Variants in PDZRN3 observed in about 807,000 individuals in gnomAD.
PDZRN3 encodes the protein E3 ubiquitin-protein ligase PDZRN3.
Under a neutral mutation model 85.7 loss-of-function variants are expected in PDZRN3, and 38 were observed. That is an observed-to-expected ratio of 0.44 (90% CI 0.34 to 0.58). PDZRN3 has a LOEUF of 0.58. Ranked by LOEUF, PDZRN3 falls within the 20% of genes least tolerant of loss-of-function variation. PDZRN3 has a pLI of 0.01. For synonymous variants in PDZRN3, 759 were observed against 638.0 expected, an observed-to-expected ratio of 1.19 and a Z score of -2.86; for missense variants, 1,629 against 1,506.4, an observed-to-expected ratio of 1.08 and a Z score of -1.35.
At chr3:73,454,583 G>C (rs1702941591) in intron 3 of PDZRN3, among the ~76,000 whole-genome samples, 1 of 152,148 alleles carries the variant, frequency 6.6e-6, no homozygotes, top group Non-Finnish European at 1.5e-5. Context: ...GAATTAATCT[G>C]CATCATCTAA....
chr3:73,433,941 CAT>C, intron 3 of PDZRN3: 2 of 1,382,034 alleles, frequency 1.4e-6, no homozygotes, highest in Non-Finnish European at 9.4e-7. Flanking sequence ...CACACACACA[CAT>C]ACACACAGAC....
At chr3:73,589,890 TATATATATTCATATAGAGTC>T (rs1702328793) in intron 3 of PDZRN3, among the ~76,000 whole-genome samples, 2 of 152,256 alleles carry the variant, frequency 1.3e-5, no homozygotes, top group African/African-American at 2.4e-5. Context: ...TTCAGATTTA[TATATATATTCATATAGAGTC>T]ATATATATTC....
chr3:73,404,992 T>G (rs1701825107), intron 3 of PDZRN3, among the ~76,000 whole-genome samples: 1 of 152,244 alleles, frequency 6.6e-6, no homozygotes, highest in South Asian at 2.1e-4. Flanking sequence ...GCTGTTTTGG[T>G]TCCCACTGTG....
At chr3:73,538,316 A>G (rs574122345) in intron 3 of PDZRN3, among the ~76,000 whole-genome samples, 38 of 152,332 alleles carry the variant, frequency 2.5e-4, no homozygotes, top group African/African-American at 7.9e-4. Flanking sequence ...ATACACTTTA[A>G]GTACACTGTG....
intron 5 of PDZRN3, among the ~76,000 whole-genome samples, chr3:73,398,921 A>T (rs1429500668): frequency 6.6e-6 from 1 of 152,200 alleles, no homozygotes; most frequent in Admixed American, 6.5e-5. Flanking sequence ...GTTGAGTCGA[A>T]TTAAAGAGAA....
intron 3 of PDZRN3, among the ~76,000 whole-genome samples, chr3:73,459,103 T>G (rs1002436089): frequency 4.6e-5 from 7 of 152,070 alleles, no homozygotes; most frequent in African/African-American, 1.7e-4. Context: ...GGAAGGCACC[T>G]CTTCACAGGG....
intron 3 of PDZRN3, among the ~76,000 whole-genome samples, chr3:73,496,933 T>A (rs890915297): frequency 1.3e-5 from 2 of 152,202 alleles, no homozygotes; most frequent in Admixed American, 6.5e-5. Context: ...TTCAGCAGAA[T>A]CATTAACGTA....
chr3:73,535,002 T>C (rs1704743708), intron 3 of PDZRN3, among the ~76,000 whole-genome samples: 1 of 152,058 alleles, frequency 6.6e-6, no homozygotes, highest in African/African-American at 2.4e-5. Context: ...GACTTCATCC[T>C]GTCACTTGTT....
chr3:73,577,611 G>A (rs77743513), intron 3 of PDZRN3, among the ~76,000 whole-genome samples: 2,179 of 152,204 alleles, frequency 0.014, 49 homozygotes, highest in African/African-American at 0.05. Context: ...GGAGAAATGC[G>A]CCCTAGATTT....
intron 3 of PDZRN3, among the ~76,000 whole-genome samples, chr3:73,591,946 T>G (rs957753822): frequency 2.0e-5 from 3 of 152,170 alleles, no homozygotes; most frequent in African/African-American, 7.2e-5. Context: ...TATCCTGACC[T>G]ATCTCATATT....
chr3:73,546,101 T>C (rs1701417379), intron 3 of PDZRN3, among the ~76,000 whole-genome samples: 1 of 152,166 alleles, frequency 6.6e-6, no homozygotes, highest in African/African-American at 2.4e-5. Context: ...GTATACAGAA[T>C]AAGGCCCAGC....
intron 3 of PDZRN3, among the ~76,000 whole-genome samples, chr3:73,430,363 T>G (rs963962063): frequency 1.3e-5 from 2 of 152,238 alleles, no homozygotes; most frequent in African/African-American, 4.8e-5. Flanking sequence ...GACAATGTGC[T>G]ACTCATAATT....
chr3:73,385,601 G>T, intron 9 of PDZRN3, 68 bp downstream of exon 9: 1 of 924,716 alleles, frequency 1.1e-6, no homozygotes, highest in Non-Finnish European at 1.8e-6. Flanking sequence ...CATAAAGGGA[G>T]ATGGAGGAAG....
Position 73,383,859 on chromosome 3 carries a change from C to A in PDZRN3, c.2707G>T (p.Val903Leu), listed in dbSNP as rs1436841709. Reference sequence around the variant, plus strand: ...GAGCTCAGGTCCTTGCACATGCTCACCAGGCTCATCTGGCTTTGCGCGTAC... The same window carrying A: ...GAGCTCAGGTCCTTGCACATGCTCAACAGGCTCATCTGGCTTTGCGCGTAC... ...VEYAQSQMSL[V>L]SMCKDLSSPT... Residue 903 changes from valine to leucine, a missense_variant, in exon 10 of 10, where the codon GTG becomes TTG. Physicochemically the swap from Val to Leu is conservative, Grantham distance 32 (BLOSUM62 1). Coordinates refer to ENST00000263666, the MANE Select transcript of PDZRN3 (RefSeq NM_015009.3). 2.5e-6 allele frequency: 4 copies of A among 1,613,900 alleles called. No individual in the cohort carries two copies. The Admixed American group carries it at 5.0e-5, about 20-fold the overall frequency.
chr3:73,504,065 CCTT>C (rs1704028873), intron 3 of PDZRN3, among the ~76,000 whole-genome samples: 1 of 152,142 alleles, frequency 6.6e-6, no homozygotes, highest in African/African-American at 2.4e-5. Flanking sequence ...CATATTTCTG[CCTT>C]CTTTATAAAC....
At chr3:73,569,237 T>G in intron 3 of PDZRN3, 1 of 1,285,862 alleles carries the variant, frequency 7.8e-7, no homozygotes, top group South Asian at 1.3e-5. Context: ...TACTTCAGTC[T>G]GCAAAGATGA....
intron 3 of PDZRN3, chr3:73,433,496 CA>C: frequency 3.3e-6 from 2 of 603,450 alleles, no homozygotes; most frequent in Non-Finnish European, 5.7e-6. Context: ...AGAAAATACA[CA>C]AAAAAGTCAG....
intron 3 of PDZRN3, among the ~76,000 whole-genome samples, chr3:73,533,558 T>A (rs531174761): frequency 1.6e-4 from 24 of 152,190 alleles, no homozygotes; most frequent in South Asian, 6.2e-4. Context: ...TTTTTTTTTT[T>A]AAATTTTGTA....
chr3:73,489,575 C>CTTTTTTTTCTTTTTTTTTT (rs1553694904), intron 3 of PDZRN3, among the ~76,000 whole-genome samples: 1 of 80,096 alleles, frequency 1.2e-5, no homozygotes, highest in East Asian at 4.0e-4. Context: ...AGTTTCTTTT[C>CTTTTTTTTCTTTTTTTTTT]TTTTTTTTTT....
Sources: gnomAD v4.1 joint callset for allele counts (sites outside exome capture counted in the v4.1 genomes callset) on GRCh38, gnomAD v4.1.1 for gene constraint, MANE v1.5 for transcripts, NCBI Gene and HGNC (gene_info 2026-07-23, HGNC 2026-07-21) for gene names.